PPP2R2B: variants seen among roughly 807,000 people sequenced by gnomAD.
PPP2R2B encodes the protein serine/threonine-protein phosphatase 2A 55 kDa regulatory subunit B beta isoform.
A neutral mutation model predicts 46.0 loss-of-function variants in PPP2R2B; 5 were observed. The observed-to-expected ratio is 0.11, with a 90% confidence interval of 0.06 to 0.23. The LOEUF (loss-of-function observed/expected upper bound fraction) is 0.23. Ranked by LOEUF, PPP2R2B falls within the 10% of genes least tolerant of loss-of-function variation. PPP2R2B has a pLI of 1.00. For synonymous variants in PPP2R2B, 215 were observed against 206.7 expected (o/e 1.04, Z -0.34); for missense variants, 367 against 575.0 (o/e 0.64, Z 3.70).
At position 147,055,200 on chromosome 5, in the gene PPP2R2B, A is replaced by C. The variant is rs116342977; in HGVS notation, c.79+465T>G. On this transcript the variant is annotated intron_variant, in intron 1 of 8. Coordinates refer to the PPP2R2B transcript ENST00000336640. ...CAGACTCCAAGTGAACCAATCCAAC[A>C]ATCAACACTCCACAGTGATGTACTA... Among the ~76,000 whole-genome samples the C allele has an allele frequency of 3.1e-3, 471 of 152,290 alleles. 1 individual carries two copies. The highest frequency in any genetic ancestry group is 5.5e-3 in the Non-Finnish European group (377 of 68,030).
At chr5:146,721,110 C>T (rs1780773205) in intron 2 of PPP2R2B, among the ~76,000 whole-genome samples, 1 of 152,156 alleles carries the variant, frequency 6.6e-6, no homozygotes, top group Non-Finnish European at 1.5e-5. Context: ...TCAGGCCTGG[C>T]TAAGTTTTCT....
chr5:147,014,779 AT>A (rs1179102739), intron 1 of PPP2R2B, among the ~76,000 whole-genome samples: 1 of 152,002 alleles, frequency 6.6e-6, no homozygotes, highest in African/African-American at 2.4e-5. Flanking sequence ...GATATACCTA[AT>A]GCTAGATGAC....
intron 1 of PPP2R2B, among the ~76,000 whole-genome samples, chr5:146,891,246 G>A (rs992822487): frequency 6.6e-6 from 1 of 152,196 alleles, no homozygotes; most frequent in Non-Finnish European, 1.5e-5. Context: ...TCTTAATCAT[G>A]TTGTGTTCTA....
intron 6 of PPP2R2B, 134 bp from the exon 7 acceptor site, chr5:146,638,549 T>C: frequency 1.2e-6 from 1 of 826,626 alleles, no homozygotes; most frequent in Non-Finnish European, 1.8e-6. Flanking sequence ...ATCCTCATCA[T>C]AAACTTGTCC....
At chr5:146,739,721 A>G (rs929998673) in intron 2 of PPP2R2B, among the ~76,000 whole-genome samples, 1 of 152,226 alleles carries the variant, frequency 6.6e-6, no homozygotes, top group South Asian at 2.1e-4. Flanking sequence ...TACTTCTCAC[A>G]TTCCATGATC....
At chr5:146,859,654 A>C (rs1582288598) in intron 2 of PPP2R2B, among the ~76,000 whole-genome samples, 2 of 152,240 alleles carry the variant, frequency 1.3e-5, no homozygotes, top group South Asian at 2.1e-4. Flanking sequence ...AGCGTGGCAA[A>C]CCCCCCAGAT....
At chr5:146,697,203 C>A (rs981953271) in intron 4 of PPP2R2B, among the ~76,000 whole-genome samples, 1 of 152,082 alleles carries the variant, frequency 6.6e-6, no homozygotes, top group Non-Finnish European at 1.5e-5. Context: ...TTTTTAAATA[C>A]GAATCCTCTT....
At chr5:146,908,095 T>C (rs757848322) in intron 1 of PPP2R2B, among the ~76,000 whole-genome samples, 9 of 152,212 alleles carry the variant, frequency 5.9e-5, no homozygotes, top group Non-Finnish European at 1.2e-4. Flanking sequence ...ATGATACCTA[T>C]AACCATGGTT....
chr5:147,072,405 A>G (rs1757627833), intron 2 of PPP2R2B, among the ~76,000 whole-genome samples: 1 of 151,730 alleles, frequency 6.6e-6, no homozygotes, highest in South Asian at 2.1e-4. Flanking sequence ...GTTGACATTT[A>G]TTAGTTACTG....
rs1396102659 is a variant in PPP2R2B, at chr5:146,638,239, G to C, written c.790+12C>G. On this transcript the variant is annotated intron_variant, in intron 7 of 9. Transcript: ENST00000394411. ...TGGCCATGCCCCCCACCTCCCTTCA[G>C]TTGCTACTCACATTTGGTGTGCCTG... is the stretch of plus-strand genomic sequence containing the variant. 1 of 1,610,928 alleles carries C rather than the reference G, an allele frequency of 6.2e-7. No homozygotes were observed. The highest frequency in any genetic ancestry group is 8.5e-7 in the Non-Finnish European group (1 of 1,177,900).
intron 2 of PPP2R2B, among the ~76,000 whole-genome samples, chr5:146,837,913 G>A (rs991991846): frequency 6.6e-6 from 1 of 152,072 alleles, no homozygotes; most frequent in African/African-American, 2.4e-5. Context: ...GATTAAGCAG[G>A]GACCTGGGAA....
chr5:146,615,482 C>T (rs1187653883), intron 7 of PPP2R2B, among the ~76,000 whole-genome samples: 1 of 114,732 alleles, frequency 8.7e-6, no homozygotes, highest in Non-Finnish European at 1.7e-5. Flanking sequence ...TTCACATGTA[C>T]CCTAAAACTT....
Position 146,878,521 on chromosome 5 carries a change from C to T in PPP2R2B, c.-125+70G>A, listed in dbSNP as rs1561982080. ...TCCTCCCCCTGGGAGAGCGGGCAGCCGCGACAAAATGGTGCCTTTCTGGAC... is the reference window on the plus strand; with the variant it reads ...TCCTCCCCCTGGGAGAGCGGGCAGCTGCGACAAAATGGTGCCTTTCTGGAC... On this transcript the variant is annotated intron_variant, in intron 1 of 9. Coordinates refer to ENST00000394411, the MANE Select transcript of PPP2R2B (RefSeq NM_181675.4). The surrounding 1 kb of genome is among the most constrained non-coding windows in gnomAD (Gnocchi z 4.5). The T allele has an allele frequency of 2.3e-5, 29 of 1,285,332 alleles. No individual in the cohort carries two copies. The South Asian group carries it at 4.1e-4, about 18-fold the overall frequency. 79.6% of individuals were successfully genotyped at this position (1,285,332 alleles called of 1,614,324 possible). A position where few individuals can be genotyped will look rare whatever the true frequency, so the allele number is the denominator to read the frequency against.
At chr5:146,738,983 C>T (rs1752708156) in intron 2 of PPP2R2B, among the ~76,000 whole-genome samples, 1 of 151,530 alleles carries the variant, frequency 6.6e-6, no homozygotes, top group Admixed American at 6.6e-5. Flanking sequence ...TAATATAATG[C>T]AATAGGAATT....
chr5:147,017,208 G>A lies in PPP2R2B; in HGVS notation c.79+38457C>T, dbSNP rs1755048148. 2.0e-5 allele frequency among the ~76,000 whole-genome samples: 3 copies of A among 151,570 alleles called. No homozygotes were observed. The South Asian group carries it at 6.2e-4, about 32-fold the overall frequency. ...TCAAAAACTGTGGGCAATAGAATCA[G>A]CAGGATTTGGTGATTGCTTTATGAA... On this transcript the variant is annotated intron_variant, in intron 1 of 8. Coordinates refer to the PPP2R2B transcript ENST00000336640.
intron 2 of PPP2R2B, among the ~76,000 whole-genome samples, chr5:146,842,312 T>C (rs1759700129): frequency 6.6e-6 from 1 of 152,152 alleles, no homozygotes; most frequent in Non-Finnish European, 1.5e-5. Flanking sequence ...GCCAGAGCTT[T>C]AATCAAATTC....
chr5:146,771,050 T>G (rs1042608154), intron 2 of PPP2R2B, among the ~76,000 whole-genome samples: 3 of 152,150 alleles, frequency 2.0e-5, no homozygotes, highest in Non-Finnish European at 1.5e-5. Flanking sequence ...GCATAAAGAA[T>G]AATACAAATA....
At chr5:146,894,307 T>C (rs1762579270) in intron 1 of PPP2R2B, among the ~76,000 whole-genome samples, 1 of 152,186 alleles carries the variant, frequency 6.6e-6, no homozygotes, top group Non-Finnish European at 1.5e-5. Context: ...TAACAGATCT[T>C]TAAGGATTAG....
chr5:146,583,963 C>T lies in PPP2R2B; in HGVS notation c.*5984G>A, dbSNP rs1770015850. The T allele has an allele frequency of 6.6e-6, 1 of 152,186 alleles. No individual in the cohort carries two copies. The highest frequency in any genetic ancestry group is 2.4e-5 in the African/African-American group (1 of 41,432). 9.4% of individuals were successfully genotyped at this position (152,186 alleles called of 1,614,324 possible). A position where few individuals can be genotyped will look rare whatever the true frequency, so the allele number is the denominator to read the frequency against. ...AATATGAGTTATGAAGAAGTGTCCT[C>T]TCCACTCTTTCTCAAACCAAATACA... On this transcript the variant is annotated 3_prime_UTR_variant, in exon 10 of 10. Coordinates refer to ENST00000394411, the MANE Select transcript of PPP2R2B (RefSeq NM_181675.4).
Sources: gnomAD v4.1 joint callset for allele counts (sites outside exome capture counted in the v4.1 genomes callset) on GRCh38, gnomAD v4.1.1 for gene constraint, Gnocchi (gnomAD v3.1) non-coding constraint, MANE v1.5 for transcripts, NCBI Gene and HGNC (gene_info 2026-07-23, HGNC 2026-07-21) for gene names.